Variants in RAD51B observed in about 807,000 individuals in gnomAD.
RAD51B encodes the protein RAD51 paralog B.
RAD51B carries 38 observed loss-of-function variants against 42.2 expected under a neutral mutation model. The ratio of observed to expected loss-of-function variants is 0.90; its 90% CI spans 0.70 to 1.18. The LOEUF (loss-of-function observed/expected upper bound fraction) is 1.18. Ranked by LOEUF, RAD51B falls within the 50% of genes most tolerant of loss-of-function variation. The pLI is 0.00. For synonymous variants in RAD51B, 154 were observed against 145.2 expected, an observed-to-expected ratio of 1.06 and a Z score of -0.43; for missense variants, 373 against 400.7, an observed-to-expected ratio of 0.93 and a Z score of 0.59.
At chr14:68,196,156 A>C (rs1260292699) in intron 7 of RAD51B, among the ~76,000 whole-genome samples, 1 of 150,364 alleles carries the variant, frequency 6.7e-6, no homozygotes, top group African/African-American at 2.5e-5. Flanking sequence ...GCGCCACTGC[A>C]CTCCAGCCTG....
intron 2 of RAD51B, among the ~76,000 whole-genome samples, chr14:67,824,751 A>G (rs1271171970): frequency 6.6e-6 from 1 of 152,016 alleles, no homozygotes; most frequent in African/African-American, 2.4e-5. Context: ...TTCAACTACG[A>G]AATATTATCT....
intron 9 of RAD51B, among the ~76,000 whole-genome samples, chr14:68,446,853 C>T (rs930653173): frequency 3.9e-5 from 6 of 152,122 alleles, no homozygotes; most frequent in African/African-American, 1.2e-4. Context: ...GTTAAGTGAG[C>T]CAATAAATTC....
chr14:68,637,815 C>T (rs1469906354), intron 10 of RAD51B, among the ~76,000 whole-genome samples: 1 of 152,230 alleles, frequency 6.6e-6, no homozygotes, highest in Admixed American at 6.5e-5. Context: ...CATACACACA[C>T]ACACAAACAC....
chr14:68,358,717 C>T lies in RAD51B; in HGVS notation c.854-52707C>T, dbSNP rs558085358. Among the ~76,000 whole-genome samples, 22 of 152,230 alleles carry T rather than the reference C, an allele frequency of 1.4e-4. No homozygotes were observed. In the East Asian group the frequency reaches 4.1e-3, roughly 28 times the overall value. On this transcript the variant is annotated intron_variant, in intron 8 of 10. Coordinates refer to ENST00000471583, the MANE Select transcript of RAD51B (RefSeq NM_133510.4). ...CCAAAAACTCTAGGAAGGTTATGGT[C>T]TGGTTGGTCCATGGAATGTAGGATC...
At chr14:68,637,111 G>A (rs1361274503) in intron 10 of RAD51B, among the ~76,000 whole-genome samples, 1 of 152,044 alleles carries the variant, frequency 6.6e-6, no homozygotes, top group African/African-American at 2.4e-5. Context: ...ACAGGGTCTT[G>A]CTCCATTGCT....
chr14:68,166,283 T>C (rs1240641548), intron 7 of RAD51B, among the ~76,000 whole-genome samples: 1 of 151,754 alleles, frequency 6.6e-6, no homozygotes, highest in Non-Finnish European at 1.5e-5. Context: ...GTTCTCATAG[T>C]CCGAAGCATA....
intron 7 of RAD51B, among the ~76,000 whole-genome samples, chr14:68,123,748 C>T (rs1595433014): frequency 6.6e-6 from 1 of 152,148 alleles, no homozygotes; most frequent in South Asian, 2.1e-4. Context: ...GTGGAGGTTG[C>T]AGTGAGCCGA....
chr14:68,202,890 A>G (rs1056575129), intron 7 of RAD51B, among the ~76,000 whole-genome samples: 1 of 152,142 alleles, frequency 6.6e-6, no homozygotes, highest in African/African-American at 2.4e-5. Context: ...GCATGAATCA[A>G]CTTCTCATCA....
chr14:67,859,138 G>T (rs927273502), intron 4 of RAD51B, among the ~76,000 whole-genome samples: 3 of 152,216 alleles, frequency 2.0e-5, no homozygotes, highest in Non-Finnish European at 2.9e-5. Flanking sequence ...TTGGGTATCA[G>T]TTATAGTGCA....
At chr14:67,986,930 C>T (rs2075204661) in intron 7 of RAD51B, among the ~76,000 whole-genome samples, 1 of 152,220 alleles carries the variant, frequency 6.6e-6, no homozygotes, top group Admixed American at 6.5e-5. Flanking sequence ...TGGGATTTTA[C>T]CATGTTGGCC....
At chr14:68,671,934 G>A (rs1487000326) in intron 11 of RAD51B, among the ~76,000 whole-genome samples, 6 of 152,124 alleles carry the variant, frequency 3.9e-5, no homozygotes, top group Admixed American at 2.6e-4. Flanking sequence ...GTGGTATAAT[G>A]GGTTTTCCTT....
intron 7 of RAD51B, among the ~76,000 whole-genome samples, chr14:68,070,115 GT>G (rs1416535082): frequency 6.6e-6 from 1 of 151,732 alleles, no homozygotes; most frequent in Non-Finnish European, 1.5e-5. Flanking sequence ...TACTTTGCCC[GT>G]TTTTTAATGA....
chr14:68,612,289 G>GA (rs1891709086), downstream of RAD51B, among the ~76,000 whole-genome samples: 2 of 152,218 alleles, frequency 1.3e-5, no homozygotes, highest in Non-Finnish European at 1.5e-5. Flanking sequence ...GACTGGGCTT[G>GA]AAAAGTCTCC....
intron 10 of RAD51B, among the ~76,000 whole-genome samples, chr14:68,487,806 T>A (rs2140275519): frequency 6.6e-6 from 1 of 152,272 alleles, no homozygotes; most frequent in East Asian, 1.9e-4. Context: ...CCATGCCTGC[T>A]CATTAATTAC....
At chr14:67,894,943 T>A (rs529756730) in intron 7 of RAD51B, among the ~76,000 whole-genome samples, 28 of 152,232 alleles carry the variant, frequency 1.8e-4, no homozygotes, top group African/African-American at 6.5e-4. Flanking sequence ...CCTAGCTAAT[T>A]TTTTTGATTT....
chr14:68,595,712 A>C (rs1890966174), exon 11 of RAD51B: 1 of 771,094 alleles, frequency 1.3e-6, no homozygotes, highest in African/African-American at 1.8e-5. Context: ...TATACGATGG[A>C]ATACTAGATG....
chr14:68,377,805 C>T (rs1024009261), intron 8 of RAD51B, among the ~76,000 whole-genome samples: 4 of 152,212 alleles, frequency 2.6e-5, no homozygotes, highest in East Asian at 1.9e-4. Context: ...TTCACAGGCC[C>T]GAGTTCCTTC....
intron 4 of RAD51B, among the ~76,000 whole-genome samples, chr14:67,851,683 C>A (rs1369065512): frequency 6.6e-6 from 1 of 152,002 alleles, no homozygotes; most frequent in Non-Finnish European, 1.5e-5. Flanking sequence ...GAATGGGGAG[C>A]AGGTTGGGTA....
At chr14:67,822,830 G>C (rs2040680037) in intron 1 of RAD51B, among the ~76,000 whole-genome samples, 1 of 152,184 alleles carries the variant, frequency 6.6e-6, no homozygotes, top group South Asian at 2.1e-4. Flanking sequence ...GAAAAAGGAA[G>C]AGTTAAATAT....
Sources: allele counts gnomAD v4.1 joint callset (sites outside exome capture counted in the v4.1 genomes callset), GRCh38; gene constraint gnomAD v4.1.1; transcripts MANE v1.5; gene names NCBI Gene and HGNC (gene_info 2026-07-23, HGNC 2026-07-21).